NF1: variants seen among roughly 807,000 people sequenced by gnomAD.
NF1 encodes the protein neurofibromin.
In NF1, 122 loss-of-function variants were observed where a neutral mutation model predicts 325.7. The observed-to-expected ratio is 0.37, with a 90% CI of 0.32 to 0.44. The LOEUF is 0.44. Among genes scored for constraint, NF1 ranks in the 20% least tolerant of loss-of-function variants. The probability of loss-of-function intolerance (pLI) is 1.00; values close to 1 mark genes in which losing one functional copy is unlikely to be tolerated. For synonymous variants in NF1, 1,091 were observed against 1,186.0 expected (o/e 0.92, Z 1.65); for missense variants, 2,140 against 3,415.4 (o/e 0.63, Z 9.31).
chr17:31,145,338 A>G (rs1183451347), intron 1 of NF1, among the ~76,000 whole-genome samples: 2 of 152,096 alleles, frequency 1.3e-5, no homozygotes, highest in Non-Finnish European at 2.9e-5. Flanking sequence ...GACTGCACGC[A>G]TGTACCACCA....
chr17:31,104,870 T>C (rs1264277469), intron 1 of NF1, among the ~76,000 whole-genome samples: 1 of 152,222 alleles, frequency 6.6e-6, no homozygotes, highest in African/African-American at 2.4e-5. Context: ...TATATAGTTA[T>C]ATTCTCTGCA....
intron 36 of NF1, among the ~76,000 whole-genome samples, chr17:31,283,381 C>T (rs1196348186): frequency 2.6e-5 from 4 of 151,296 alleles, no homozygotes; most frequent in Non-Finnish European, 5.9e-5. Flanking sequence ...GGCGCCACTG[C>T]ACTCCAGCCT....
intron 29 of NF1, among the ~76,000 whole-genome samples, chr17:31,241,751 G>T (rs927010010): frequency 9.2e-5 from 14 of 152,088 alleles, no homozygotes; most frequent in Admixed American, 3.9e-4. Context: ...TTTGTAAAAG[G>T]TTCATCTTTT....
At chr17:31,330,607 T>G in intron 39 of NF1, 109 bp downstream of exon 39, 1 of 860,058 alleles carries the variant, frequency 1.2e-6, no homozygotes, top group Non-Finnish European at 1.8e-6. Flanking sequence ...CATTTTTACT[T>G]TTTTTCCTCT....
chr17:31,214,172 C>T (rs1314214885), intron 12 of NF1, among the ~76,000 whole-genome samples: 1 of 151,870 alleles, frequency 6.6e-6, no homozygotes, highest in Non-Finnish European at 1.5e-5. Context: ...AGATGTTTTA[C>T]AACCTGATAC....
At chr17:31,356,655 C>T (rs187155101) in intron 52 of NF1, 73 bp downstream of exon 52, 1 of 1,586,996 alleles carries the variant, frequency 6.3e-7, no homozygotes, top group East Asian at 2.3e-5. Flanking sequence ...GTTTATTTTC[C>T]AGCCATTTCT....
chr17:31,197,620 T>C (rs1187991349), intron 8 of NF1, among the ~76,000 whole-genome samples: 2 of 152,176 alleles, frequency 1.3e-5, no homozygotes, highest in Non-Finnish European at 2.9e-5. Flanking sequence ...TGCTAATGTA[T>C]AGAAATCCAG....
intron 1 of NF1, among the ~76,000 whole-genome samples, chr17:31,100,868 C>T (rs1447090272): frequency 2.6e-5 from 4 of 152,256 alleles, no homozygotes; most frequent in Admixed American, 1.3e-4. Flanking sequence ...GTGCCCGGCC[C>T]GGAATTCATC....
intron 30 of NF1, 145 bp downstream of exon 30, chr17:31,249,264 G>A: frequency 1.0e-6 from 1 of 1,001,980 alleles, no homozygotes; most frequent in South Asian, 1.4e-5. Flanking sequence ...GAGAATTGTT[G>A]GAATTGTCTT....
intron 1 of NF1, among the ~76,000 whole-genome samples, chr17:31,105,315 T>G (rs1158672546): frequency 6.6e-6 from 1 of 152,190 alleles, no homozygotes; most frequent in African/African-American, 2.4e-5. Flanking sequence ...GTTCTAAAAC[T>G]TTACATATTC....
Position 31,376,547 on chromosome 17 carries a change from C to T in NF1, c.*2392C>T. Reference sequence around the variant, plus strand: ...GACTTTTGAGGAAAATCTAGCTTTCCAAGTAACTAAAATGTACATGAGATA... The same window carrying T: ...GACTTTTGAGGAAAATCTAGCTTTCTAAGTAACTAAAATGTACATGAGATA... On this transcript the variant is annotated 3_prime_UTR_variant, in exon 58 of 58. Transcript: ENST00000358273. 4.3e-6 allele frequency: 1 copy of T among 232,800 alleles called. No homozygotes were observed. The highest frequency in any genetic ancestry group is 8.5e-6 in the Non-Finnish European group (1 of 117,774). The allele number at this position is 232,800 out of a possible 1,614,324, so 14.4% of individuals were successfully genotyped here. A position where few individuals can be genotyped will look rare whatever the true frequency, so the allele number is the denominator to read the frequency against.
At chr17:31,305,106 T>TG (rs866697823) in intron 36 of NF1, 1 of 1,614,042 alleles carries the variant, frequency 6.2e-7, no homozygotes, top group African/African-American at 1.3e-5. Flanking sequence ...ATGTTGGTTG[T>TG]GTGGATGGAT....
intron 1 of NF1, 93 bp downstream of exon 1, chr17:31,095,462 C>A: frequency 2.4e-6 from 3 of 1,246,104 alleles, no homozygotes; most frequent in South Asian, 1.4e-5. Context: ...TCCCCCGCGG[C>A]TGCCTCAGGC....
At chr17:31,248,842 T>TA in intron 29 of NF1, 142 bp from the exon 30 acceptor site, 4 of 769,338 alleles carry the variant, frequency 5.2e-6, no homozygotes, top group Non-Finnish European at 8.2e-6. Flanking sequence ...TTTTTTTTTT[T>TA]TATAGTTGGT....
At chr17:31,294,816 G>A (rs2068426342) in intron 36 of NF1, 1 of 663,980 alleles carries the variant, frequency 1.5e-6, no homozygotes, top group Non-Finnish European at 2.6e-6. Context: ...CAGTAAAATA[G>A]CAGCAAGTAC....
At chr17:31,175,345 C>CTTTTTTTTTTTTTTTTTTTTTTT (rs869113407) in intron 5 of NF1, among the ~76,000 whole-genome samples, 2 of 71,348 alleles carry the variant, frequency 2.8e-5, no homozygotes, top group Non-Finnish European at 4.9e-5. Flanking sequence ...TGTGCTTTTG[C>CTTTTTTTTTTTTTTTTTTTTTTT]TTTTTTTTTT....
chr17:31,301,054 T>G (rs1427007603), intron 36 of NF1, among the ~76,000 whole-genome samples: 2 of 152,156 alleles, frequency 1.3e-5, no homozygotes, highest in African/African-American at 4.8e-5. Flanking sequence ...GCACTTTGTC[T>G]TGATTTAAGT....
intron 5 of NF1, among the ~76,000 whole-genome samples, chr17:31,179,738 G>T (rs1198006102): frequency 1.3e-5 from 2 of 151,458 alleles, no homozygotes; most frequent in Admixed American, 1.3e-4. Flanking sequence ...AGCCAGGATC[G>T]TGCAACTGCA....
intron 10 of NF1, 38 bp from the exon 11 acceptor site, chr17:31,201,373 C>T (rs1261401651): frequency 6.4e-7 from 1 of 1,558,960 alleles, no homozygotes; most frequent in African/African-American, 1.4e-5. Context: ...GTATTTTTCT[C>T]ATAGAAATAA....
Sources: gnomAD v4.1 joint callset for allele counts (sites outside exome capture counted in the v4.1 genomes callset) on GRCh38, gnomAD v4.1.1 for gene constraint, MANE v1.5 for transcripts, NCBI Gene and HGNC (gene_info 2026-07-23, HGNC 2026-07-21) for gene names.